KSR2: variants seen among roughly 807,000 people sequenced by gnomAD.
KSR2 encodes kinase suppressor of ras 2.
Under a neutral mutation model 107.8 loss-of-function variants are expected in KSR2, and 25 were observed. The ratio of observed to expected loss-of-function variants is 0.23; its 90% CI spans 0.17 to 0.32. KSR2 has a LOEUF of 0.32. Among genes scored for constraint, KSR2 ranks in the 10% least tolerant of loss-of-function variants. The pLI, the probability that KSR2 is intolerant of heterozygous loss-of-function variation, is 1.00. For synonymous variants in KSR2, 480 were observed against 507.0 expected (o/e 0.95, Z 0.71); for missense variants, 887 against 1,268.9 (o/e 0.70, Z 4.57).
At chr12:117,671,642 C>T (rs1389318431) in intron 4 of KSR2, among the ~76,000 whole-genome samples, 1 of 152,186 alleles carries the variant, frequency 6.6e-6, no homozygotes, top group Admixed American at 6.5e-5. Flanking sequence ...TGTGGTTTAC[C>T]CTGTTGGATC....
Position 117,535,487 on chromosome 12 carries a change from C to G in KSR2, c.1688-3780G>C, listed in dbSNP as rs76860948. 4.8e-3 allele frequency among the ~76,000 whole-genome samples: 731 copies of G among 152,276 alleles called. 6 individuals are homozygous for G. The highest frequency in any genetic ancestry group is 0.017 in the African/African-American group (718 of 41,552). ...GATGGAAAGGGAAAGGGAGGAAACA[C>G]TCTCATGAGCCCACATGGCCCAAGT... On this transcript the variant is annotated intron_variant, in intron 10 of 19. Coordinates refer to ENST00000339824, the MANE Select transcript of KSR2 (RefSeq NM_173598.6).
intron 1 of KSR2, among the ~76,000 whole-genome samples, chr12:117,887,152 G>A (rs1452769003): frequency 6.6e-6 from 1 of 152,094 alleles, no homozygotes; most frequent in African/African-American, 2.4e-5. Flanking sequence ...TCGAACTCCT[G>A]GGCTCAAGTG....
At chr12:117,560,394 C>T (rs1878027711) in intron 7 of KSR2, among the ~76,000 whole-genome samples, 2 of 90,802 alleles carry the variant, frequency 2.2e-5, no homozygotes, top group African/African-American at 8.6e-5. Flanking sequence ...AAAAGTTAGA[C>T]CTGGGACCAC....
chr12:117,869,051 C>T lies in KSR2; in HGVS notation c.181-8620G>A, dbSNP rs140764941. On this transcript the variant is annotated intron_variant, in intron 1 of 19. Transcript: ENST00000339824. ...TATAAGAGTGGGCCACCATGCCTGG[C>T]CGCATATATTTTCCTTGTAAGAAAG... Among the ~76,000 whole-genome samples the T allele has an allele frequency of 2.6e-3, 392 of 151,516 alleles. 4 individuals carry two copies. The highest frequency in any genetic ancestry group is 8.7e-3 in the African/African-American group (359 of 41,444).
intron 14 of KSR2, among the ~76,000 whole-genome samples, chr12:117,506,265 GA>G (rs1299179736): frequency 6.6e-6 from 1 of 152,168 alleles, no homozygotes; most frequent in Non-Finnish European, 1.5e-5. Context: ...AAGGCTTTCA[GA>G]TGCAATTTCG....
rs151135951 is a variant in KSR2, at chr12:117,731,637, T to C, written c.986+29374A>G. Among the ~76,000 whole-genome samples, 594 of 152,242 alleles carry C rather than the reference T, an allele frequency of 3.9e-3. 6 individuals carry two copies. The highest frequency in any genetic ancestry group is 0.013 in the African/African-American group (550 of 41,554). On this transcript the variant is annotated intron_variant, in intron 4 of 19. Transcript: ENST00000339824. The stretch of plus-strand genomic sequence containing the variant: ...AAAGAAAGAGAGATCAGACTGTTAC[T>C]GTGTCTGTGTGGAAAGAGGTAGACA...
At chr12:117,912,953 C>T (rs1895065694) in intron 1 of KSR2, among the ~76,000 whole-genome samples, 1 of 152,206 alleles carries the variant, frequency 6.6e-6, no homozygotes, top group Admixed American at 6.5e-5. Context: ...AGGGCAGACA[C>T]TGTTTCCAGC....
At chr12:117,864,088 C>A (rs1893397391) in intron 1 of KSR2, among the ~76,000 whole-genome samples, 1 of 152,080 alleles carries the variant, frequency 6.6e-6, no homozygotes, top group African/African-American at 2.4e-5. Flanking sequence ...GCCCACCACA[C>A]CTGTGCACTT....
At chr12:117,639,185 C>A (rs980138881) in intron 5 of KSR2, among the ~76,000 whole-genome samples, 1 of 152,130 alleles carries the variant, frequency 6.6e-6, no homozygotes, top group African/African-American at 2.4e-5. Flanking sequence ...CAAGGCAAGC[C>A]TTTATTCCCA....
intron 4 of KSR2, among the ~76,000 whole-genome samples, chr12:117,756,830 G>A: frequency 6.6e-6 from 1 of 152,166 alleles, no homozygotes; most frequent in Non-Finnish European, 1.5e-5. Context: ...TGAGGTGGGT[G>A]GATCACCTGA....
intron 5 of KSR2, among the ~76,000 whole-genome samples, chr12:117,661,028 G>C (rs1884410378): frequency 6.6e-6 from 1 of 152,180 alleles, no homozygotes; most frequent in Non-Finnish European, 1.5e-5. Context: ...ATAAAGATGT[G>C]ATATACTAAG....
intron 19 of KSR2, among the ~76,000 whole-genome samples, chr12:117,468,044 G>T (rs1201383071): frequency 6.6e-6 from 1 of 152,044 alleles, no homozygotes; most frequent in Non-Finnish European, 1.5e-5. Flanking sequence ...CCTGCCTGGA[G>T]CTCCAACACT....
At chr12:117,521,118 C>G in intron 14 of KSR2, among the ~76,000 whole-genome samples, 1 of 152,200 alleles carries the variant, frequency 6.6e-6, no homozygotes, top group Non-Finnish European at 1.5e-5. Context: ...TCTCTACCCT[C>G]ACCTTCTCCC....
chr12:117,743,033 G>T (rs887641748), intron 4 of KSR2, among the ~76,000 whole-genome samples: 1 of 152,176 alleles, frequency 6.6e-6, no homozygotes, highest in African/African-American at 2.4e-5. Flanking sequence ...TACTGAAAGG[G>T]TCCCATCACA....
intron 4 of KSR2, among the ~76,000 whole-genome samples, chr12:117,686,153 ATC>A (rs1443981626): frequency 6.8e-6 from 1 of 148,022 alleles, no homozygotes; most frequent in Non-Finnish European, 1.5e-5. Flanking sequence ...GGTTCAAGCC[ATC>A]CTCCTGTCTC....
At chr12:117,837,058 G>C (rs991748423) in intron 3 of KSR2, among the ~76,000 whole-genome samples, 2 of 152,182 alleles carry the variant, frequency 1.3e-5, no homozygotes, top group East Asian at 3.9e-4. Flanking sequence ...CAACGCAAGA[G>C]CATCATGACA....
In KSR2 at chr12:117,860,451, G is replaced by A. The variant is rs1444708471; in HGVS notation, c.181-20C>T. The A allele has an allele frequency of 1.3e-6, 2 of 1,587,444 alleles. No individual in the cohort carries two copies. The highest frequency in any genetic ancestry group is 2.3e-5 in the East Asian group (1 of 44,194). The stretch of plus-strand genomic sequence containing the variant: ...CTTGCTCTGTGGAGACACAGACGAG[G>A]ACAGAGGACACATCTCAGAGGCAGT... On this transcript the variant is annotated intron_variant, in intron 1 of 19. Transcript: ENST00000339824.
intron 3 of KSR2, among the ~76,000 whole-genome samples, chr12:117,794,206 T>C (rs1461350393): frequency 3.4e-4 from 17 of 49,744 alleles, no homozygotes; most frequent in Admixed American, 5.4e-4. Flanking sequence ...CATGCACACA[T>C]ACACCAACAT....
intron 17 of KSR2, among the ~76,000 whole-genome samples, chr12:117,472,135 G>A (rs1201227919): frequency 6.6e-6 from 1 of 152,076 alleles, no homozygotes; most frequent in African/African-American, 2.4e-5. Flanking sequence ...CCAAATGCAG[G>A]TTTTCTTACC....
Sources: allele counts gnomAD v4.1 joint callset (sites outside exome capture counted in the v4.1 genomes callset), GRCh38; gene constraint gnomAD v4.1.1; transcripts MANE v1.5; gene names NCBI Gene and HGNC (gene_info 2026-07-23, HGNC 2026-07-21).